XKR9: variants seen among roughly 807,000 people sequenced by gnomAD.
XKR9 encodes the protein XK-related protein 9.
A neutral mutation model predicts 32.0 loss-of-function variants in XKR9; 32 were observed. The ratio of observed to expected loss-of-function variants is 1.00; its 90% confidence interval spans 0.76 to 1.34. The LOEUF is 1.34. XKR9 is among the 40% of genes most tolerant of loss of function. The probability of loss-of-function intolerance (pLI) is 0.00; values close to 1 mark genes in which losing one functional copy is unlikely to be tolerated. For missense variants in XKR9, 546 were observed against 429.7 expected (o/e 1.27, Z -2.39); for synonymous variants, 168 against 143.4 (o/e 1.17, Z -1.22).
chr8:70,771,719 A>G (rs1470664900), intron 2 of XKR9, among the ~76,000 whole-genome samples: 1 of 152,182 alleles, frequency 6.6e-6, no homozygotes, highest in Admixed American at 6.5e-5. Context: ...GTAATAGCTG[A>G]AATGTTCCTT....
intron 4 of XKR9, among the ~76,000 whole-genome samples, chr8:70,711,290 A>G (rs965644213): frequency 2.6e-5 from 4 of 152,196 alleles, no homozygotes; most frequent in African/African-American, 9.6e-5. Flanking sequence ...TATGCAAAGG[A>G]ATATAATTGT....
chr8:70,955,636 G>A, the XKR9 span, among the ~76,000 whole-genome samples: 1 of 152,292 alleles, frequency 6.6e-6, no homozygotes, highest in East Asian at 1.9e-4. Flanking sequence ...GGGGCCAGTG[G>A]CCCCTTTGCC....
At chr8:70,886,293 A>G in the XKR9 span, among the ~76,000 whole-genome samples, 3 of 152,104 alleles carry the variant, frequency 2.0e-5, no homozygotes, top group Non-Finnish European at 2.9e-5. Flanking sequence ...TCTGTCATTG[A>G]TGGGCATTTG....
the XKR9 span, among the ~76,000 whole-genome samples, chr8:70,980,530 G>A: frequency 6.6e-6 from 1 of 152,292 alleles, no homozygotes; most frequent in Non-Finnish European, 1.5e-5. Flanking sequence ...TATGTGTTAG[G>A]TGAGTCTCCT....
intron 2 of XKR9, among the ~76,000 whole-genome samples, chr8:70,742,558 G>GT (rs572920928): frequency 2.0e-5 from 3 of 152,132 alleles, no homozygotes; most frequent in Admixed American, 6.5e-5. Flanking sequence ...ATTTGTTATA[G>GT]TTTTTTTGTA....
downstream of XKR9, among the ~76,000 whole-genome samples, chr8:70,739,962 T>C (rs372649906): frequency 1.4e-4 from 21 of 152,260 alleles, no homozygotes; most frequent in Non-Finnish European, 2.5e-4. Context: ...TTGCTCTTCT[T>C]GAGGAGTATC....
the XKR9 span, among the ~76,000 whole-genome samples, chr8:70,895,766 C>G: frequency 8.3e-5 from 12 of 144,048 alleles, no homozygotes; most frequent in Admixed American, 1.5e-4. Flanking sequence ...GGGCAGATCA[C>G]TTGAGCCCTG....
the XKR9 span, among the ~76,000 whole-genome samples, chr8:70,839,002 C>A: frequency 0.13 from 19,784 of 151,922 alleles, 1,688 homozygotes; most frequent in African/African-American, 0.24. Flanking sequence ...TTTGCTTATC[C>A]TTTTAAGTTT....
chr8:71,059,468 A>G, the XKR9 span, among the ~76,000 whole-genome samples: 2,009 of 152,316 alleles, frequency 0.013, 48 homozygotes, highest in African/African-American at 0.046. Context: ...GGAAAAGTAT[A>G]TCAAAGTGAT....
chr8:70,937,390 C>A, the XKR9 span, among the ~76,000 whole-genome samples: 1 of 151,936 alleles, frequency 6.6e-6, no homozygotes, highest in East Asian at 1.9e-4. Context: ...CCACCCAGAC[C>A]AACTAAATCA....
At chr8:70,920,067 G>A in the XKR9 span, among the ~76,000 whole-genome samples, 2 of 152,160 alleles carry the variant, frequency 1.3e-5, no homozygotes, top group African/African-American at 4.8e-5. Flanking sequence ...CAGCAGCAGT[G>A]CATGCCTATG....
the XKR9 span, among the ~76,000 whole-genome samples, chr8:71,026,931 A>T: frequency 6.6e-6 from 1 of 152,238 alleles, no homozygotes; most frequent in Non-Finnish European, 1.5e-5. Flanking sequence ...AATGAAAGAA[A>T]TGCATGACAA....
At chr8:70,869,356 A>T in the XKR9 span, among the ~76,000 whole-genome samples, 1 of 152,232 alleles carries the variant, frequency 6.6e-6, no homozygotes, top group Non-Finnish European at 1.5e-5. Flanking sequence ...AGGCCTCATT[A>T]TCATGGCAGA....
chr8:70,774,895 T>C (rs992332134), intron 2 of XKR9, among the ~76,000 whole-genome samples: 1 of 152,158 alleles, frequency 6.6e-6, no homozygotes, highest in Non-Finnish European at 1.5e-5. Context: ...AATATTATAA[T>C]CAAGTTTTTA....
At chr8:70,834,523 T>C in the XKR9 span, among the ~76,000 whole-genome samples, 3 of 152,144 alleles carry the variant, frequency 2.0e-5, no homozygotes, top group Admixed American at 6.5e-5. Context: ...TTATATTTTG[T>C]GCCAATCACA....
the XKR9 span, among the ~76,000 whole-genome samples, chr8:70,886,424 C>A: frequency 6.6e-6 from 1 of 152,118 alleles, no homozygotes; most frequent in Non-Finnish European, 1.5e-5. Flanking sequence ...GTTGCTGGGT[C>A]AAATGGTATT....
At chr8:70,687,209 T>G (rs1819312280) in intron 3 of XKR9, among the ~76,000 whole-genome samples, 1 of 152,158 alleles carries the variant, frequency 6.6e-6, no homozygotes, top group Admixed American at 6.5e-5. Flanking sequence ...CATGTGAAAT[T>G]TGTCTTTCTG....
At chr8:70,692,010 G>T (rs1489177675) in intron 3 of XKR9, among the ~76,000 whole-genome samples, 1 of 146,976 alleles carries the variant, frequency 6.8e-6, no homozygotes, top group Non-Finnish European at 1.5e-5. Context: ...GGGCAGTATA[G>T]CCATTTTAAT....
At chr8:70,699,104 A>G (rs1294156368) in intron 3 of XKR9, among the ~76,000 whole-genome samples, 1 of 152,160 alleles carries the variant, frequency 6.6e-6, no homozygotes, top group Non-Finnish European at 1.5e-5. Flanking sequence ...GGTTTCCTGA[A>G]TACAACACAC....
Sources: gnomAD v4.1 joint callset for allele counts (sites outside exome capture counted in the v4.1 genomes callset) on GRCh38, gnomAD v4.1.1 for gene constraint, MANE v1.5 for transcripts, NCBI Gene and HGNC (gene_info 2026-07-23, HGNC 2026-07-21) for gene names.